Variants in TTC31 observed in about 807,000 individuals in gnomAD.
TTC31 encodes tetratricopeptide repeat domain 31, also known as tetratricopeptide repeat protein 31.
In TTC31, 59 loss-of-function variants were observed where a neutral mutation model predicts 60.4. The ratio of observed to expected loss-of-function variants is 0.98; its 90% CI spans 0.79 to 1.21. The LOEUF is 1.21. Among genes scored for constraint, TTC31 ranks in the 50% most tolerant of loss-of-function variants. The pLI is 0.00. For synonymous variants in TTC31, 225 were observed against 249.6 expected (o/e 0.90, Z 0.93); for missense variants, 672 against 646.9 (o/e 1.04, Z -0.42).
At chr2:74,483,184 C>T (rs1427312610) in intron 1 of TTC31, 49 bp downstream of exon 1, 1 of 1,613,850 alleles carries the variant, frequency 6.2e-7, no homozygotes, top group South Asian at 1.1e-5. Context: ...CAGAGGCAGC[C>T]CCTCTTGGGT....
intron 2 of TTC31, 110 bp downstream of exon 2, chr2:74,483,520 C>G (rs770519452): frequency 6.4e-7 from 1 of 1,568,886 alleles, no homozygotes; most frequent in East Asian, 2.4e-5. Context: ...GCTCTGGAGG[C>G]TTTGGGGAGT....
chr2:74,489,823 C>T (rs1011242780), intron 2 of TTC31, among the ~76,000 whole-genome samples: 2 of 152,032 alleles, frequency 1.3e-5, no homozygotes, highest in Admixed American at 6.6e-5. Flanking sequence ...AGGAAAGCAG[C>T]GAGGGGAGGT....
chr2:74,483,401 C>T lies in TTC31; in HGVS notation c.120C>T (p.Tyr40=), dbSNP rs778956839. The stretch of plus-strand genomic sequence containing the variant: ...GCAAGGAATTCGGTCCAGAGGATTA[C>T]GGCGAAGAGGTAAAAGCGACCCTCA... ...KLCKEFGPED[Y]GEEDIVDFLR... The change falls in exon 2 of 13, where the codon TAC becomes TAT. Residue 40 remains tyrosine (Y), a synonymous_variant. Transcript: ENST00000233623. 2 of 1,614,086 alleles carry T rather than the reference C, an allele frequency of 1.2e-6. No homozygotes were observed. The highest frequency in any genetic ancestry group is 1.7e-6 in the Non-Finnish European group (2 of 1,179,986).
At chr2:74,492,854 G>A (rs1320901430) in intron 12 of TTC31, 68 bp from the exon 13 acceptor site, 2 of 1,582,192 alleles carry the variant, frequency 1.3e-6, no homozygotes, top group Non-Finnish European at 1.7e-6. Flanking sequence ...GGAAGGATGG[G>A]TGGAATGAGA....
At chr2:74,490,168 A>G in intron 3 of TTC31, 41 bp downstream of exon 3, 1 of 1,608,552 alleles carries the variant, frequency 6.2e-7, no homozygotes, top group Non-Finnish European at 8.5e-7. Context: ...CGAGGCTGGT[A>G]CCCTGGGAGG....
At chr2:74,489,685 C>CT in intron 2 of TTC31, among the ~76,000 whole-genome samples, 1 of 152,234 alleles carries the variant, frequency 6.6e-6, no homozygotes, top group East Asian at 1.9e-4. Flanking sequence ...GACAGGGGGC[C>CT]TAGCTGGAAG....
At chr2:74,490,525 T>A (rs374548911) in intron 4 of TTC31, 52 bp downstream of exon 4, 6 of 1,542,492 alleles carry the variant, frequency 3.9e-6, no homozygotes, top group Non-Finnish European at 5.3e-6. Context: ...TTTCAATCCC[T>A]GTATCCCCAT....
Position 74,483,132 on chromosome 2 carries a change from C to A in TTC31, c.37C>A (p.Leu13Ile). Residue 13 changes from leucine to isoleucine, a missense_variant, in exon 1 of 13, where the codon CTA becomes ATA. Coordinates refer to ENST00000233623, the MANE Select transcript of TTC31 (RefSeq NM_022492.6). ...TCCAAAGACTGTGGGGCGGATCAAGCTAGGTGAGCGGTATGACAAGACCAG... is the reference window on the plus strand; with the variant it reads ...TCCAAAGACTGTGGGGCGGATCAAGATAGGTGAGCGGTATGACAAGACCAG... ...PIPKTVGRIK[L>I]DCSLRPSCPL... 6.2e-7 allele frequency: 1 copy of A among 1,614,228 alleles called. No individual in the cohort carries two copies. Among genetic ancestry groups the A allele is most frequent in the Non-Finnish European group, 8.5e-7 (1 of 1,180,052 alleles).
At chr2:74,490,876 G>T in intron 5 of TTC31, 137 bp downstream of exon 5, 4 of 971,972 alleles carry the variant, frequency 4.1e-6, no homozygotes, top group Non-Finnish European at 6.1e-6. Flanking sequence ...AAGGGGCCCA[G>T]GGACTGGGGG....
At position 74,490,158 on chromosome 2, in the gene TTC31, C is replaced by G. The variant is rs772397267; in HGVS notation, c.232+31C>G. ...GAGTGCAGGGACCGGGCCCAGGGAT[C>G]GAGGCTGGTACCCTGGGAGGGCTGA... On this transcript the variant is annotated intron_variant, in intron 3 of 12. Coordinates refer to ENST00000233623, the MANE Select transcript of TTC31 (RefSeq NM_022492.6). 1.6e-5 allele frequency: 26 copies of G among 1,609,124 alleles called. No homozygotes were observed. In the East Asian group the frequency reaches 5.1e-4, roughly 32 times the overall value.
intron 2 of TTC31, 77 bp downstream of exon 2, chr2:74,483,487 G>T (rs1195673809): frequency 8.1e-6 from 13 of 1,604,342 alleles, no homozygotes; most frequent in Non-Finnish European, 1.1e-5. Context: ...GCAGAAACCC[G>T]CGACGGATGG....
chr2:74,491,738 G>A, intron 8 of TTC31, 66 bp downstream of exon 8: 2 of 1,563,312 alleles, frequency 1.3e-6, no homozygotes, highest in East Asian at 2.3e-5. Context: ...TGCTGGGGAG[G>A]CACAGGGTCT....
rs1289347127 is a variant in TTC31 at position 74,492,385 on chromosome 2, C to T, written c.1101C>T (p.Thr367=). 3 of 1,533,906 alleles carry T rather than the reference C, an allele frequency of 2.0e-6. No individual in the cohort carries two copies. In the Admixed American group the frequency reaches 6.3e-5, roughly 32 times the overall value. The change falls in exon 11 of 13, where the codon ACC becomes ACT. Residue 367 remains threonine (T), a synonymous_variant. Transcript: ENST00000233623. The stretch of plus-strand genomic sequence containing the variant: ...TGGCTGATGCCCAGGTGGCCCTTAC[C>T]CTACGGCCTGGCTGGCCCCGGGGCC... The part of the protein sequence containing the change: ...WALADAQVAL[T]LRPGWPRGLF...
At chr2:74,484,608 G>T (rs1312397382) in intron 2 of TTC31, among the ~76,000 whole-genome samples, 1 of 151,986 alleles carries the variant, frequency 6.6e-6, no homozygotes, top group African/African-American at 2.4e-5. Flanking sequence ...ACAGGCACAT[G>T]CCACCAGTCC....
chr2:74,490,714 C>T lies in TTC31; in HGVS notation c.521C>T (p.Ala174Val). The T allele has an allele frequency of 5.0e-6, 8 of 1,610,106 alleles. No individual in the cohort carries two copies. Among genetic ancestry groups the T allele is most frequent in the Non-Finnish European group, 6.8e-6 (8 of 1,177,990 alleles). Residue 174 changes from alanine (A) to valine (V), a missense_variant, in exon 5 of 13, where the codon GCA becomes GTA. By Grantham distance (64) the Ala-to-Val change is moderately conservative. Transcript: ENST00000233623. Reference sequence around the variant, plus strand: ...GAGGAGGAGCGCATGAAACAGAAAGCAGAGAAAAAGCGACTCAAGAAGAAG... The same window carrying T: ...GAGGAGGAGCGCATGAAACAGAAAGTAGAGAAAAAGCGACTCAAGAAGAAG... Reference protein sequence around the residue: ...VAEEERMKQKAEKKRLKKKRQ... With the variant: ...VAEEERMKQKVEKKRLKKKRQ...
chr2:74,490,804 C>A, intron 5 of TTC31, 65 bp downstream of exon 5: 1 of 1,506,476 alleles, frequency 6.6e-7, no homozygotes, highest in Non-Finnish European at 9.0e-7. Context: ...AAAGAGGAAA[C>A]TTTGTGGGAA....
chr2:74,483,229 A>C lies in TTC31; in HGVS notation c.41-93A>C. 8 of 1,613,270 alleles carry C rather than the reference A, an allele frequency of 5.0e-6. No homozygotes were observed. The South Asian group carries it at 7.7e-5, about 16-fold the overall frequency. ...GTCTGAACGTTTCGAGTAGGATTTT[A>C]TGCAGAGGGCGGAGAGTCGAGGGTA... On this transcript the variant is annotated intron_variant, in intron 1 of 12. Transcript: ENST00000233623.
At chr2:74,489,920 C>T (rs2104215311) in intron 2 of TTC31, 105 bp from the exon 3 acceptor site, 1 of 793,156 alleles carries the variant, frequency 1.3e-6, no homozygotes, top group East Asian at 2.7e-5. Context: ...GGCTGGATAG[C>T]TGGTTGGTGG....
rs541702397 is a variant in TTC31 at position 74,491,885 on chromosome 2, G to A, written c.877-119G>A. ...AGGGCTGATACCATCTTGTAGGGCT[G>A]TCATGAGGATTACATGAGTTGGGTA... is the stretch of plus-strand genomic sequence containing the variant. On this transcript the variant is annotated intron_variant, in intron 8 of 12. Transcript: ENST00000233623. 7.2e-6 allele frequency: 11 copies of A among 1,533,136 alleles called. No individual in the cohort carries two copies. In the Admixed American group the frequency reaches 1.3e-4, roughly 18 times the overall value. 95.0% of individuals were successfully genotyped at this position (1,533,136 alleles called of 1,614,324 possible).
Sources: gnomAD v4.1 joint callset for allele counts (sites outside exome capture counted in the v4.1 genomes callset) on GRCh38, gnomAD v4.1.1 for gene constraint, MANE v1.5 for transcripts, NCBI Gene and HGNC (gene_info 2026-07-23, HGNC 2026-07-21) for gene names.